ITPR2: variants seen among roughly 807,000 people sequenced by gnomAD.
ITPR2 encodes inositol 1,4,5-trisphosphate-gated calcium channel ITPR2.
A neutral mutation model predicts 317.1 loss-of-function variants in ITPR2; 207 were observed. The observed-to-expected ratio is 0.65, with a 90% confidence interval of 0.58 to 0.73. The LOEUF (loss-of-function observed/expected upper bound fraction) is 0.73. Ranked by LOEUF, ITPR2 falls within the 30% of genes least tolerant of loss-of-function variation. The pLI is 0.00. For synonymous variants in ITPR2, 1,156 were observed against 1,149.1 expected (o/e 1.01, Z -0.12); for missense variants, 2,613 against 3,284.0 (o/e 0.80, Z 4.99).
chr12:26,412,291 A>G (rs564654420), intron 51 of ITPR2, among the ~76,000 whole-genome samples: 20 of 152,312 alleles, frequency 1.3e-4, no homozygotes, highest in African/African-American at 4.8e-4. Flanking sequence ...TTTGAAGGAA[A>G]CATGAGGAGG....
intron 2 of ITPR2, among the ~76,000 whole-genome samples, chr12:26,727,593 A>C (rs190111047): frequency 6.4e-4 from 98 of 152,332 alleles, no homozygotes; most frequent in African/African-American, 2.2e-3. Context: ...GTCAGGCCAA[A>C]TGCTCCTGAG....
rs12305188 is a variant in ITPR2 at position 26,567,970 on chromosome 12, T to A, written c.4631-6018A>T. 8.2e-4 allele frequency among the ~76,000 whole-genome samples: 6 copies of A among 7,338 alleles called. 1 individual carries two copies. Among genetic ancestry groups the A allele is most frequent in the African/African-American group, 1.1e-3 (3 of 2,724 alleles). The allele number at this position is 7,338 out of a possible 152,430, so 4.8% of individuals were successfully genotyped here. On this transcript the variant is annotated intron_variant, in intron 34 of 56. Coordinates refer to ENST00000381340, the MANE Select transcript of ITPR2 (RefSeq NM_002223.4). ...ATATATTATATATATATATATATAT[T>A]ATATATATTATATATATATATATAT...
At chr12:26,635,946 TAATATGGTAG>T (rs1303875847) in intron 21 of ITPR2, among the ~76,000 whole-genome samples, 22 of 152,180 alleles carry the variant, frequency 1.4e-4, no homozygotes, top group East Asian at 1.9e-4. Flanking sequence ...GAGCAGTAGG[TAATATGGTAG>T]CAACCTGGGT....
chr12:26,782,042 A>ATT (rs1565760181), intron 2 of ITPR2, among the ~76,000 whole-genome samples: 1 of 35,506 alleles, frequency 2.8e-5, no homozygotes, highest in Non-Finnish European at 5.0e-5. Context: ...ATGTATAGAG[A>ATT]GAGAGAGAGA....
intron 9 of ITPR2, among the ~76,000 whole-genome samples, chr12:26,707,346 CT>C (rs1271561091): frequency 6.6e-6 from 1 of 152,080 alleles, no homozygotes; most frequent in Non-Finnish European, 1.5e-5. Context: ...AAAATAATAT[CT>C]AGATATTAAA....
chr12:26,656,472 A>C lies in ITPR2; in HGVS notation c.2269T>G (p.Ser757Ala). 1 of 1,614,264 alleles carries C rather than the reference A, an allele frequency of 6.2e-7. No homozygotes were observed. Among genetic ancestry groups the C allele is most frequent in the Non-Finnish European group, 8.5e-7 (1 of 1,180,046 alleles). Residue 757 changes from serine to alanine, a missense_variant, in exon 19 of 57, where the codon TCT becomes GCT. Ser to Ala is a moderately conservative substitution (Grantham distance 99). This residue lies in a region of ITPR2 where 817 missense variants were observed against 897.6 expected (regional missense o/e 0.91). Coordinates refer to ENST00000381340, the MANE Select transcript of ITPR2 (RefSeq NM_002223.4). ...ACACACCGCAGGATCAGGTCTACAGACAGCTGTGTAGAAATCTGGTTTATG... is the reference window on the plus strand; with the variant it reads ...ACACACCGCAGGATCAGGTCTACAGCCAGCTGTGTAGAAATCTGGTTTATG... Reference protein sequence around the residue: ...LAINQISTQLSVDLILRCVSD... With the variant: ...LAINQISTQLAVDLILRCVSD...
Position 26,597,126 on chromosome 12 carries a change from A to G in ITPR2, c.4011T>C (p.Asn1337=), listed in dbSNP as rs746990791. 6.2e-7 allele frequency: 1 copy of G among 1,613,760 alleles called. No individual in the cohort carries two copies. The highest frequency in any genetic ancestry group is 8.5e-7 in the Non-Finnish European group (1 of 1,179,946). ...AAAATATCAGCACGTCTTCACCCCC[A>G]TTTATCAACTGAAATGATAATAAGA... ...CQDMVMTELI[N]GGEDVLIFYN... is the part of the protein sequence containing the mutation. The change falls in exon 31 of 57, where the codon AAT becomes AAC. Residue 1337 remains asparagine (N), a synonymous_variant. Coordinates refer to ENST00000381340, the MANE Select transcript of ITPR2 (RefSeq NM_002223.4).
At chr12:26,797,044 A>C (rs934700976) in intron 1 of ITPR2, among the ~76,000 whole-genome samples, 10 of 152,236 alleles carry the variant, frequency 6.6e-5, no homozygotes, top group Admixed American at 2.0e-4. Context: ...CTCAAAAAAA[A>C]ATCAAAAGGT....
intron 2 of ITPR2, among the ~76,000 whole-genome samples, chr12:26,782,033 T>TAGA (rs1950101026): frequency 5.0e-4 from 9 of 18,042 alleles, no homozygotes; most frequent in African/African-American, 1.0e-3. Flanking sequence ...TATATATATA[T>TAGA]GTATAGAGAG....
chr12:26,808,450 T>C (rs937144803), intron 1 of ITPR2, among the ~76,000 whole-genome samples: 1 of 152,232 alleles, frequency 6.6e-6, no homozygotes, highest in Non-Finnish European at 1.5e-5. Flanking sequence ...GATTTATTCA[T>C]TCAACAAATA....
At chr12:26,768,456 T>TAA (rs141419329) in intron 2 of ITPR2, among the ~76,000 whole-genome samples, 1 of 106,472 alleles carries the variant, frequency 9.4e-6, no homozygotes, top group Non-Finnish European at 1.8e-5. Context: ...AAATAAAAAA[T>TAA]AAAAAAATAA....
chr12:26,722,360 G>A (rs1948852750), intron 5 of ITPR2, 37 bp downstream of exon 5: 2 of 1,523,044 alleles, frequency 1.3e-6, no homozygotes, highest in Non-Finnish European at 8.9e-7. Flanking sequence ...TTTTCTTTAT[G>A]AACCCACTAT....
At chr12:26,515,168 A>C (rs1172349071) in intron 37 of ITPR2, among the ~76,000 whole-genome samples, 2 of 152,230 alleles carry the variant, frequency 1.3e-5, no homozygotes, top group Non-Finnish European at 2.9e-5. Flanking sequence ...AAATCAAAAG[A>C]TATAGGGAGA....
intron 55 of ITPR2, among the ~76,000 whole-genome samples, chr12:26,379,265 T>A (rs1290108502): frequency 6.6e-6 from 1 of 152,114 alleles, no homozygotes; most frequent in Non-Finnish European, 1.5e-5. Context: ...TTAAAGGAGA[T>A]CATGCATGTA....
intron 46 of ITPR2, 32 bp from the exon 47 acceptor site, chr12:26,439,351 T>C (rs1029198129): frequency 6.6e-7 from 1 of 1,508,442 alleles, no homozygotes; most frequent in East Asian, 2.3e-5. Context: ...GTTTTTAGCC[T>C]TTCGGACACC....
At chr12:26,699,922 AAT>A (rs1271253275) in intron 9 of ITPR2, among the ~76,000 whole-genome samples, 7 of 152,182 alleles carry the variant, frequency 4.6e-5, no homozygotes, top group African/African-American at 1.7e-4. Flanking sequence ...ATGTTAAAAA[AAT>A]AAATTATAAA....
chr12:26,832,621 G>T, intron 1 of ITPR2, 69 bp downstream of exon 1: 1 of 1,225,212 alleles, frequency 8.2e-7, no homozygotes, highest in Non-Finnish European at 1.2e-6. Context: ...CCGGGCGGCG[G>T]AGGAGGGACA....
rs1419093084 is a variant in ITPR2, at chr12:26,782,027, TATATATGTATAG to T, written c.163+8118_163+8129del. Among the ~76,000 whole-genome samples, 44 of 26,282 alleles carry T rather than the reference TATATATGTATAG, an allele frequency of 1.7e-3. 1 individual carries two copies. Among genetic ancestry groups the T allele is most frequent in the East Asian group, 0.016 (12 of 740 alleles). The allele number at this position is 26,282 out of a possible 152,430, so 17.2% of individuals were successfully genotyped here. A position where few individuals can be genotyped will look rare whatever the true frequency, so the allele number is the denominator to read the frequency against. On this transcript the variant is annotated intron_variant, in intron 2 of 56. Transcript: ENST00000381340. ...ATATATATATATATATATATATATA[TATATATGTATAG>T]AGAGAGAGAGAGAGAGAGAGAGAGA...
intron 9 of ITPR2, among the ~76,000 whole-genome samples, chr12:26,708,411 C>G (rs1301675737): frequency 6.6e-6 from 1 of 152,140 alleles, no homozygotes; most frequent in African/African-American, 2.4e-5. Flanking sequence ...GAATATTATT[C>G]AGCCATAAAA....
Sources: allele counts gnomAD v4.1 joint callset (sites outside exome capture counted in the v4.1 genomes callset), GRCh38; gene constraint gnomAD v4.1.1; regional missense constraint gnomAD v4.1.1; transcripts MANE v1.5; gene names NCBI Gene and HGNC (gene_info 2026-07-23, HGNC 2026-07-21).